Variants in VEZT observed in about 807,000 individuals in gnomAD.
VEZT encodes the protein vezatin, adherens junctions transmembrane protein.
VEZT carries 39 observed loss-of-function variants against 79.9 expected under a neutral mutation model. The observed-to-expected ratio is 0.49, with a 90% confidence interval of 0.38 to 0.64. The LOEUF is 0.64. Ranked by LOEUF, VEZT falls within the 30% of genes least tolerant of loss-of-function variation. The pLI is 0.00. For synonymous variants in VEZT, 325 were observed against 327.6 expected (o/e 0.99, Z 0.09); for missense variants, 837 against 893.1 (o/e 0.94, Z 0.80).
intron 2 of VEZT, among the ~76,000 whole-genome samples, chr12:95,256,260 A>G (rs1259883098): frequency 6.6e-6 from 1 of 152,116 alleles, no homozygotes; most frequent in Non-Finnish European, 1.5e-5. Context: ...CATGTTGGTC[A>G]GGCTGGTCTC....
At chr12:95,219,054 C>A (rs888163098) in intron 1 of VEZT, among the ~76,000 whole-genome samples, 5 of 151,894 alleles carry the variant, frequency 3.3e-5, no homozygotes, top group Non-Finnish European at 7.4e-5. Flanking sequence ...AGATATGAGG[C>A]GTTCATTAGG....
At position 95,257,153 on chromosome 12, in the gene VEZT, G is replaced by A. The variant is rs779301786; in HGVS notation, c.172G>A (p.Gly58Ser). 6 of 1,608,828 alleles carry A rather than the reference G, an allele frequency of 3.7e-6. No individual in the cohort carries two copies. Among genetic ancestry groups the A allele is most frequent in the Non-Finnish European group, 5.1e-6 (6 of 1,177,730 alleles). ...KPPTRVLPKQ[G>S]ILLKVAETIK... Reference sequence around the variant, plus strand: ...CAATGTCATTCATTTCCTTCAGCAAGGTATCCTGTTAAAAGTGGCTGAAAC... The same window carrying A: ...CAATGTCATTCATTTCCTTCAGCAAAGTATCCTGTTAAAAGTGGCTGAAAC... The change falls in exon 3 of 12, where the codon GGT becomes AGT. Residue 58 changes from glycine (G) to serine (S), a missense_variant. Gly to Ser is a moderately conservative substitution (Grantham distance 56). Transcript: ENST00000436874.
chr12:95,232,798 C>A (rs1045959868), intron 1 of VEZT, among the ~76,000 whole-genome samples: 2 of 151,716 alleles, frequency 1.3e-5, no homozygotes, highest in Non-Finnish European at 2.9e-5. Flanking sequence ...TTTTTTTGTT[C>A]GTTTGTTTTG....
At chr12:95,246,781 C>T (rs2061782022) in intron 1 of VEZT, among the ~76,000 whole-genome samples, 1 of 152,134 alleles carries the variant, frequency 6.6e-6, no homozygotes, top group Non-Finnish European at 1.5e-5. Context: ...TTCTCCAATA[C>T]TTCGAAATTA....
chr12:95,287,012 C>T lies in VEZT; in HGVS notation c.1329-652C>T, dbSNP rs143491710. Among the ~76,000 whole-genome samples, 6 of 149,868 alleles carry T rather than the reference C, an allele frequency of 4.0e-5. No homozygotes were observed. The East Asian group carries it at 7.8e-4, about 19-fold the overall frequency. On this transcript the variant is annotated intron_variant, in intron 8 of 11. Transcript: ENST00000436874. ...GGGGGTGGGGTGGGGTAGGGAGGGGCGGTGGATATTATATTTTGCTTACAT... is the reference window on the plus strand; with the variant it reads ...GGGGGTGGGGTGGGGTAGGGAGGGGTGGTGGATATTATATTTTGCTTACAT...
chr12:95,270,087 G>A lies in VEZT; in HGVS notation c.747G>A (p.Gln249=). The A allele has an allele frequency of 6.2e-7, 1 of 1,611,618 alleles. No homozygotes were observed. The highest frequency in any genetic ancestry group is 1.1e-5 in the South Asian group (1 of 90,334). The change falls in exon 6 of 12, where the codon CAG becomes CAA. Residue 249 remains glutamine (Q), a synonymous_variant. Coordinates refer to ENST00000436874, the MANE Select transcript of VEZT (RefSeq NM_017599.4). ...SAACPFNKAG[Q]HPSQHLIGLR... ...CTTGCCCATTTAATAAAGCTGGACA[G>A]CATCCAAGTCAGCATCTCATCGGTC...
Position 95,289,089 on chromosome 12 carries a change from AAAATAAAT to A in VEZT, c.1522+1268_1522+1275del, listed in dbSNP as rs55667589. Among the ~76,000 whole-genome samples the A allele has an allele frequency of 5.5e-4, 56 of 101,724 alleles. 2 individuals are homozygous for A. The highest frequency in any genetic ancestry group is 1.2e-3 in the African/African-American group (32 of 26,038). 66.7% of individuals were successfully genotyped at this position (101,724 alleles called of 152,430 possible). ...AGAGCGAGACTCCGTCTCAAAAAAAAAAATAAATAAATAAATAAATAAATAAATAAATA... is the reference window on the plus strand; with the variant it reads ...AGAGCGAGACTCCGTCTCAAAAAAAAAAATAAATAAATAAATAAATAAATA... On this transcript the variant is annotated intron_variant, in intron 9 of 11. Coordinates refer to ENST00000436874, the MANE Select transcript of VEZT (RefSeq NM_017599.4).
At chr12:95,260,098 C>CTTTTTTT (rs56756447) in intron 3 of VEZT, among the ~76,000 whole-genome samples, 3 of 68,528 alleles carry the variant, frequency 4.4e-5, no homozygotes, top group African/African-American at 1.3e-4. Context: ...TGGTTGATCA[C>CTTTTTTT]TTTTTTTTTT....
At chr12:95,272,874 G>A (rs10859865) in intron 6 of VEZT, among the ~76,000 whole-genome samples, 17,040 of 152,046 alleles carry the variant, frequency 0.11, 1,052 homozygotes, top group East Asian at 0.25. Context: ...TTAGCCTTCC[G>A]AGTAGCTGGA....
intron 1 of VEZT, among the ~76,000 whole-genome samples, chr12:95,227,480 A>G (rs2058667514): frequency 6.6e-6 from 1 of 151,900 alleles, no homozygotes; most frequent in Non-Finnish European, 1.5e-5. Context: ...AGCTGGGATT[A>G]CAGGTGCATG....
rs376874127 is a variant in VEZT, at chr12:95,266,416, T to C, written c.494T>C (p.Ile165Thr). The C allele has an allele frequency of 1.5e-5, 24 of 1,613,968 alleles. No homozygotes were observed. In the East Asian group the frequency reaches 2.0e-4, roughly 13 times the overall value. Reference protein sequence around the residue: ...SLLVMLPTWWIVSSWLVWGVI... With the variant: ...SLLVMLPTWWTVSSWLVWGVI... ...CTCGTTATGCTTCCCACTTGGTGGA[T>C]TGTGTCTTCCTGGCTGGTATGGGGA... The change falls in exon 5 of 12, where the codon ATT (isoleucine) becomes ACT (threonine). Residue 165 changes from isoleucine to threonine, a missense_variant. By Grantham distance (89) the Ile-to-Thr change is moderately conservative. Transcript: ENST00000436874.
At chr12:95,267,359 C>T (rs17023862) in intron 5 of VEZT, among the ~76,000 whole-genome samples, 9,489 of 152,232 alleles carry the variant, frequency 0.062, 456 homozygotes, top group Middle Eastern at 0.12. Context: ...GTACACTGGA[C>T]ACCTGCCAAA....
chr12:95,278,196 G>C (rs2068189758), intron 7 of VEZT, among the ~76,000 whole-genome samples: 1 of 152,198 alleles, frequency 6.6e-6, no homozygotes, highest in Non-Finnish European at 1.5e-5. Context: ...ATTAATGAAT[G>C]TTAGCTGATT....
At chr12:95,241,338 A>G (rs1456096470) in intron 1 of VEZT, among the ~76,000 whole-genome samples, 2 of 151,834 alleles carry the variant, frequency 1.3e-5, no homozygotes, top group African/African-American at 2.4e-5. Context: ...TGCCTTGCCA[A>G]CAGGTTTTGT....
Position 95,301,972 on chromosome 12 carries a change from A to G in VEZT, c.*1299A>G, listed in dbSNP as rs989414446. ...TATAAACAGTAGAGATTATTGTACT[A>G]TAAGTGATTTTGCCTTTTTGCCAAA... On this transcript the variant is annotated 3_prime_UTR_variant, in exon 12 of 12. Transcript: ENST00000436874. The G allele has an allele frequency of 1.1e-4, 16 of 152,206 alleles. No homozygotes were observed. The highest frequency in any genetic ancestry group is 2.1e-4 in the South Asian group (1 of 4,828). 9.4% of individuals were successfully genotyped at this position (152,206 alleles called of 1,614,324 possible).
chr12:95,217,910 G>C, intron 1 of VEZT, 24 bp downstream of exon 1: 2 of 1,495,684 alleles, frequency 1.3e-6, no homozygotes, highest in Non-Finnish European at 1.8e-6. Context: ...GGCGGTGGGT[G>C]TGGATTGCCT....
chr12:95,233,214 G>A (rs1175071248), intron 1 of VEZT, among the ~76,000 whole-genome samples: 1 of 149,536 alleles, frequency 6.7e-6, no homozygotes, highest in Non-Finnish European at 1.5e-5. Flanking sequence ...TTTCTTAGCA[G>A]ACCTTAACTA....
intron 10 of VEZT, among the ~76,000 whole-genome samples, chr12:95,294,799 C>T (rs1028190060): frequency 6.6e-6 from 1 of 152,098 alleles, no homozygotes; most frequent in Non-Finnish European, 1.5e-5. Context: ...ACCTCTTTTC[C>T]TTAGGTCATA....
intron 8 of VEZT, among the ~76,000 whole-genome samples, chr12:95,285,085 CAA>C (rs1165581329): frequency 3.8e-4 from 17 of 44,660 alleles, no homozygotes; most frequent in African/African-American, 1.2e-3. Flanking sequence ...GACTCTGTCT[CAA>C]AAAAAAAAAA....
Sources: allele counts gnomAD v4.1 joint callset (sites outside exome capture counted in the v4.1 genomes callset), GRCh38; gene constraint gnomAD v4.1.1; transcripts MANE v1.5; gene names NCBI Gene and HGNC (gene_info 2026-07-23, HGNC 2026-07-21).